Variants in LAIR1 observed in about 807,000 individuals in gnomAD.
LAIR1 encodes leukocyte associated immunoglobulin like receptor 1, also known as leukocyte-associated immunoglobulin-like receptor 1.
In LAIR1, 24 loss-of-function variants were observed where a neutral mutation model predicts 32.8. The observed-to-expected ratio is 0.73, with a 90% CI of 0.53 to 1.03. The LOEUF (loss-of-function observed/expected upper bound fraction) is 1.03, where lower values mean the gene tolerates loss of function less well. Among genes scored for constraint, LAIR1 ranks in the 50% least tolerant of loss-of-function variants. The pLI is 0.00. For missense variants in LAIR1, 355 were observed against 347.5 expected (o/e 1.02, Z -0.17); for synonymous variants, 150 against 140.5 (o/e 1.07, Z -0.48).
upstream of LAIR1, among the ~76,000 whole-genome samples, chr19:54,375,533 G>A (rs2082485132): frequency 6.6e-6 from 1 of 152,182 alleles, no homozygotes; most frequent in Non-Finnish European, 1.5e-5. Flanking sequence ...CGGCCCGAAC[G>A]TCATCTCTGA....
chr19:54,374,627 C>T (rs1329341380), upstream of LAIR1, among the ~76,000 whole-genome samples: 4 of 152,128 alleles, frequency 2.6e-5, no homozygotes, highest in African/African-American at 9.7e-5. Context: ...TTCCTGGACT[C>T]CCACTGAAAT....
rs1229947193 is a variant in LAIR1, at chr19:54,353,193, G to C, written c.*2075C>G. ...AAAAAAAAAGAGAGAGAGAGACAGAGAGACACACAGTGAGAGAGAAAGACA... is the reference window on the plus strand; with the variant it reads ...AAAAAAAAAGAGAGAGAGAGACAGACAGACACACAGTGAGAGAGAAAGACA... On this transcript the variant is annotated 3_prime_UTR_variant, in exon 10 of 10. Coordinates refer to ENST00000391742, the MANE Select transcript of LAIR1 (RefSeq NM_002287.6). 6.6e-6 allele frequency: 1 copy of C among 151,720 alleles called. No individual in the cohort carries two copies. The highest frequency in any genetic ancestry group is 6.6e-5 in the Admixed American group (1 of 15,192). The allele number at this position is 151,720 out of a possible 1,614,324, so 9.4% of individuals were successfully genotyped here. A position where few individuals can be genotyped will look rare whatever the true frequency, so the allele number is the denominator to read the frequency against.
At chr19:54,356,159 A>G (rs764051218) in intron 8 of LAIR1, 71 bp downstream of exon 8, 1 of 763,900 alleles carries the variant, frequency 1.3e-6, no homozygotes. Context: ...CCCACCCCCC[A>G]CATTGCATCT....
At chr19:54,374,834 C>A (rs1463823525), upstream of LAIR1, among the ~76,000 whole-genome samples, 1 of 152,074 alleles carries the variant, frequency 6.6e-6, no homozygotes, top group East Asian at 1.9e-4. Flanking sequence ...AATTTAGACT[C>A]CAGAACCACT....
chr19:54,363,577 A>C (rs2082122510), intron 2 of LAIR1, among the ~76,000 whole-genome samples: 1 of 152,240 alleles, frequency 6.6e-6, no homozygotes, highest in Non-Finnish European at 1.5e-5. Context: ...ATGGATGAGG[A>C]GAATGTGCTG....
In LAIR1 at chr19:54,353,322, G is replaced by C. The variant is rs1251758644; in HGVS notation, c.*1946C>G. 1 of 152,240 alleles carries C rather than the reference G, an allele frequency of 6.6e-6. No homozygotes were observed. Among genetic ancestry groups the C allele is most frequent in the African/African-American group, 2.4e-5 (1 of 41,446 alleles). 9.4% of individuals were successfully genotyped at this position (152,240 alleles called of 1,614,324 possible). ...GTTCACACAAGAAAGCAAAGATACA[G>C]AGTACAGCACTGGGAAGCAGATCCC... On this transcript the variant is annotated 3_prime_UTR_variant, in exon 10 of 10. Coordinates refer to ENST00000391742, the MANE Select transcript of LAIR1 (RefSeq NM_002287.6).
rs1056213333 is a variant in LAIR1, at chr19:54,364,586, C to T, written c.34+185G>A. The T allele has an allele frequency of 1.2e-6, 1 of 806,958 alleles. No individual in the cohort carries two copies. Among genetic ancestry groups the T allele is most frequent in the African/African-American group, 1.7e-5 (1 of 58,882 alleles). The allele number at this position is 806,958 out of a possible 1,614,324, so 50.0% of individuals were successfully genotyped here. On this transcript the variant is annotated intron_variant, in intron 1 of 9. Transcript: ENST00000391742. The surrounding 1 kb of genome is among the most constrained non-coding windows in gnomAD (Gnocchi z 4.8). Reference sequence around the variant, plus strand: ...AGCTGACCTCATCCCCACACCCGGGCCCCTGTTTTTAGGACAAGATCTTCT... The same window carrying T: ...AGCTGACCTCATCCCCACACCCGGGTCCCTGTTTTTAGGACAAGATCTTCT...
Position 54,351,544 on chromosome 19 carries a change from A to G in LAIR1, c.*3724T>C, listed in dbSNP as rs746860638. On this transcript the variant is annotated 3_prime_UTR_variant, in exon 10 of 10. Coordinates refer to ENST00000391742, the MANE Select transcript of LAIR1 (RefSeq NM_002287.6). ...AGGAGATTAAGGTGTAGAATTTTACACTCATCACAGAAAGTTTTCAGAGAC... is the reference window on the plus strand; with the variant it reads ...AGGAGATTAAGGTGTAGAATTTTACGCTCATCACAGAAAGTTTTCAGAGAC... 3 of 152,194 alleles carry G rather than the reference A, an allele frequency of 2.0e-5. No homozygotes were observed. The highest frequency in any genetic ancestry group is 2.9e-5 in the Non-Finnish European group (2 of 68,038). The allele number at this position is 152,194 out of a possible 1,614,324, so 9.4% of individuals were successfully genotyped here.
At chr19:54,358,900 G>A (rs1395606518) in intron 4 of LAIR1, among the ~76,000 whole-genome samples, 7 of 152,038 alleles carry the variant, frequency 4.6e-5, no homozygotes, top group East Asian at 1.9e-4. Context: ...GTCTGTCCTC[G>A]TGACCTTTAT....
upstream of LAIR1, among the ~76,000 whole-genome samples, chr19:54,372,728 T>C (rs2082437206): frequency 6.6e-6 from 1 of 151,016 alleles, no homozygotes; most frequent in East Asian, 1.9e-4. Flanking sequence ...GACCTCGTGA[T>C]CTGCCCACCT....
Position 54,364,710 on chromosome 19 carries a change from C to G in LAIR1, c.34+61G>C, listed in dbSNP as rs1369736811. 1.3e-5 allele frequency: 18 copies of G among 1,393,752 alleles called. No individual in the cohort carries two copies. The highest frequency in any genetic ancestry group is 4.7e-5 in the South Asian group (4 of 85,290). 86.3% of individuals were successfully genotyped at this position (1,393,752 alleles called of 1,614,324 possible). A position where few individuals can be genotyped will look rare whatever the true frequency, so the allele number is the denominator to read the frequency against. On this transcript the variant is annotated intron_variant, in intron 1 of 9. Transcript: ENST00000391742. This position sits in a 1 kb window ranked among gnomAD's most constrained non-coding sequence, Gnocchi z 4.8. ...CTTCTGGACTAGAGTCAGGCTTGAGCAGGGAATTTTCCAGACCTCCCGACC... is the reference window on the plus strand; with the variant it reads ...CTTCTGGACTAGAGTCAGGCTTGAGGAGGGAATTTTCCAGACCTCCCGACC...
intron 4 of LAIR1, among the ~76,000 whole-genome samples, chr19:54,359,222 G>T (rs1413924393): frequency 1.3e-5 from 2 of 151,518 alleles, no homozygotes. Context: ...GTACTCTGGG[G>T]ATAGAAACCC....
chr19:54,357,842 C>T (rs557845875), intron 4 of LAIR1, among the ~76,000 whole-genome samples: 204 of 151,970 alleles, frequency 1.3e-3, no homozygotes, highest in Non-Finnish European at 1.8e-3. Context: ...GCCTCGTCCA[C>T]GGTCTAAGGT....
In LAIR1 at chr19:54,351,902, C is replaced by A. The variant is rs2081540002; in HGVS notation, c.*3366G>T. On this transcript the variant is annotated 3_prime_UTR_variant, in exon 10 of 10. Coordinates refer to ENST00000391742, the MANE Select transcript of LAIR1 (RefSeq NM_002287.6). Reference sequence around the variant, plus strand: ...AAGTTAAAAAAAAGAAAAAAAAAGTCCACCCTATAGTTTGTATAACAAACA... The same window carrying A: ...AAGTTAAAAAAAAGAAAAAAAAAGTACACCCTATAGTTTGTATAACAAACA... 1 of 152,070 alleles carries A rather than the reference C, an allele frequency of 6.6e-6. No homozygotes were observed. Among genetic ancestry groups the A allele is most frequent in the Admixed American group, 6.6e-5 (1 of 15,260 alleles). The allele number at this position is 152,070 out of a possible 1,614,324, so 9.4% of individuals were successfully genotyped here. A position where few individuals can be genotyped will look rare whatever the true frequency, so the allele number is the denominator to read the frequency against.
At chr19:54,366,467 G>A (rs1169616691), upstream of LAIR1, among the ~76,000 whole-genome samples, 3 of 152,064 alleles carry the variant, frequency 2.0e-5, no homozygotes, top group South Asian at 6.2e-4. Flanking sequence ...GAGATACCAC[G>A]CCAGGGTGTC....
Position 54,364,809 on chromosome 19 carries a change from C to T in LAIR1, c.-5G>A. 6.2e-7 allele frequency: 1 copy of T among 1,614,134 alleles called. No individual in the cohort carries two copies. The highest frequency in any genetic ancestry group is 8.5e-7 in the Non-Finnish European group (1 of 1,179,982). Reference sequence around the variant, plus strand: ...GGCGGTGGGGTGGGGAGACATGGCCCAGGTCCCAGCAGTGCAGCCTGGCCT... The same window carrying T: ...GGCGGTGGGGTGGGGAGACATGGCCTAGGTCCCAGCAGTGCAGCCTGGCCT... On this transcript the variant is annotated 5_prime_UTR_variant, in exon 1 of 10. Transcript: ENST00000391742. The surrounding 1 kb of genome is among the most constrained non-coding windows in gnomAD (Gnocchi z 4.8).
At position 54,353,261 on chromosome 19, in the gene LAIR1, T is replaced by C. The variant is rs1338399485; in HGVS notation, c.*2007A>G. 1 of 151,858 alleles carries C rather than the reference T, an allele frequency of 6.6e-6. No homozygotes were observed. Among genetic ancestry groups the C allele is most frequent in the Non-Finnish European group, 1.5e-5 (1 of 68,072 alleles). The allele number at this position is 151,858 out of a possible 1,614,324, so 9.4% of individuals were successfully genotyped here. A position where few individuals can be genotyped will look rare whatever the true frequency, so the allele number is the denominator to read the frequency against. On this transcript the variant is annotated 3_prime_UTR_variant, in exon 10 of 10. Transcript: ENST00000391742. ...AGAGACAGACAGAGCAGGGAGAATGTGTCCCACGTGAAGAACAGGGAAAAT... is the reference window on the plus strand; with the variant it reads ...AGAGACAGACAGAGCAGGGAGAATGCGTCCCACGTGAAGAACAGGGAAAAT...
Position 54,356,482 on chromosome 19 carries a change from G to A in LAIR1, c.583+9C>T. The A allele has an allele frequency of 2.5e-6, 4 of 1,613,824 alleles. No homozygotes were observed. The highest frequency in any genetic ancestry group is 3.4e-6 in the Non-Finnish European group (4 of 1,179,936). ...TCCCAGGTCACCCCACCCTGCCCCTGAGACCTACCCTGCTTTATCTGATTC... is the reference window on the plus strand; with the variant it reads ...TCCCAGGTCACCCCACCCTGCCCCTAAGACCTACCCTGCTTTATCTGATTC... On this transcript the variant is annotated intron_variant, in intron 6 of 9. Coordinates refer to ENST00000391742, the MANE Select transcript of LAIR1 (RefSeq NM_002287.6).
chr19:54,351,942 T>C lies in LAIR1; in HGVS notation c.*3326A>G, dbSNP rs1404168428. On this transcript the variant is annotated 3_prime_UTR_variant, in exon 10 of 10. Transcript: ENST00000391742. The stretch of plus-strand genomic sequence containing the variant: ...TATAACAAACATTCTCACTTGTTCA[T>C]GCTGTATTCAACGTCGAGCCCATTT... 3 of 152,166 alleles carry C rather than the reference T, an allele frequency of 2.0e-5. No individual in the cohort carries two copies. The highest frequency in any genetic ancestry group is 4.4e-5 in the Non-Finnish European group (3 of 68,022). The allele number at this position is 152,166 out of a possible 1,614,324, so 9.4% of individuals were successfully genotyped here. A position where few individuals can be genotyped will look rare whatever the true frequency, so the allele number is the denominator to read the frequency against.
Sources: allele counts gnomAD v4.1 joint callset (sites outside exome capture counted in the v4.1 genomes callset), GRCh38; gene constraint gnomAD v4.1.1; non-coding constraint Gnocchi (gnomAD v3.1); transcripts MANE v1.5; gene names NCBI Gene and HGNC (gene_info 2026-07-23, HGNC 2026-07-21).